Variants in COL14A1 observed in about 807,000 individuals in gnomAD.
The protein encoded by COL14A1 is collagen alpha-1(XIV) chain.
COL14A1 carries 136 observed loss-of-function variants against 230.3 expected under a neutral mutation model. The observed-to-expected ratio is 0.59, with a 90% CI of 0.51 to 0.68. The LOEUF (loss-of-function observed/expected upper bound fraction) is 0.68, where lower values mean the gene tolerates loss of function less well. Ranked by LOEUF, COL14A1 falls within the 30% of genes least tolerant of loss-of-function variation. The pLI, the probability that COL14A1 is intolerant of heterozygous loss-of-function variation, is 0.00. For synonymous variants in COL14A1, 792 were observed against 784.1 expected, an observed-to-expected ratio of 1.01 and a Z score of -0.17; for missense variants, 1,976 against 2,215.8, an observed-to-expected ratio of 0.89 and a Z score of 2.17.
chr8:120,175,503 T>C (rs950721671), intron 5 of COL14A1, among the ~76,000 whole-genome samples: 21 of 152,320 alleles, frequency 1.4e-4, no homozygotes, highest in African/African-American at 5.1e-4. Context: ...TGACTCTCAG[T>C]GTTCTCATTT....
chr8:120,136,398 A>ATG (rs888834896), intron 1 of COL14A1, among the ~76,000 whole-genome samples: 6 of 151,724 alleles, frequency 4.0e-5, no homozygotes, highest in Admixed American at 2.0e-4. Flanking sequence ...ATATATATAT[A>ATG]TAAAATCTCA....
intron 42 of COL14A1, among the ~76,000 whole-genome samples, chr8:120,337,597 A>G (rs376324558): frequency 5.9e-5 from 9 of 152,164 alleles, no homozygotes; most frequent in African/African-American, 2.2e-4. Flanking sequence ...GACTTGAACC[A>G]CAAGATCATT....
At chr8:120,363,487 G>C (rs1778112171) in intron 45 of COL14A1, among the ~76,000 whole-genome samples, 1 of 152,172 alleles carries the variant, frequency 6.6e-6, no homozygotes, top group South Asian at 2.1e-4. Flanking sequence ...TTAAAACCTA[G>C]GTGATGTGTT....
At chr8:120,276,029 C>T (rs765992145) in intron 26 of COL14A1, among the ~76,000 whole-genome samples, 2 of 151,752 alleles carry the variant, frequency 1.3e-5, no homozygotes, top group Non-Finnish European at 2.9e-5. Flanking sequence ...CACCAGTAAA[C>T]ATATGTTTAT....
intron 23 of COL14A1, among the ~76,000 whole-genome samples, chr8:120,260,413 A>C (rs115856452): frequency 0.016 from 2,367 of 152,256 alleles, 58 homozygotes; most frequent in African/African-American, 0.053. Context: ...TGAAAAAGCA[A>C]CTGGTATGCT....
intron 40 of COL14A1, among the ~76,000 whole-genome samples, chr8:120,326,184 A>T (rs1821663102): frequency 6.6e-6 from 1 of 152,176 alleles, no homozygotes; most frequent in South Asian, 2.1e-4. Flanking sequence ...GTGAATAGGG[A>T]GACTCATGCC....
chr8:120,193,203 G>A (rs1009274106), intron 5 of COL14A1, among the ~76,000 whole-genome samples: 10 of 152,258 alleles, frequency 6.6e-5, no homozygotes, highest in South Asian at 2.1e-4. Context: ...TTTGATGATG[G>A]TGATGTACGG....
intron 36 of COL14A1, among the ~76,000 whole-genome samples, chr8:120,301,999 TCTTCTTTTGAAAAGTGTCTGTTTATGTC>T (rs979936909): frequency 1.3e-5 from 2 of 152,334 alleles, no homozygotes; most frequent in East Asian, 1.9e-4. Context: ...CACTTGTATG[TCTTCTTTTGAAAAGTGTCTGTTTATGTC>T]CTTCTTTTGA....
At chr8:120,218,043 T>A (rs533778126) in intron 14 of COL14A1, among the ~76,000 whole-genome samples, 1 of 141,520 alleles carries the variant, frequency 7.1e-6, no homozygotes, top group African/African-American at 2.6e-5. Flanking sequence ...TAAATATATA[T>A]TATATATCTA....
At chr8:120,133,346 TA>T (rs1563627775) in intron 1 of COL14A1, among the ~76,000 whole-genome samples, 1 of 151,266 alleles carries the variant, frequency 6.6e-6, no homozygotes, top group Non-Finnish European at 1.5e-5. Context: ...CACAGCATAA[TA>T]AAAAAGAAAA....
chr8:120,263,676 G>A (rs1021557490), intron 24 of COL14A1, among the ~76,000 whole-genome samples: 2 of 152,116 alleles, frequency 1.3e-5, no homozygotes, highest in African/African-American at 4.8e-5. Context: ...GCTTAACTCA[G>A]TATGTTGAAT....
intron 5 of COL14A1, among the ~76,000 whole-genome samples, chr8:120,195,912 C>T (rs1817020833): frequency 6.6e-6 from 1 of 152,162 alleles, no homozygotes; most frequent in South Asian, 2.1e-4. Context: ...ATTCCTTTGT[C>T]TTGGCTCGGT....
In COL14A1 at chr8:120,341,361, G is replaced by T. The variant is rs1428867916; in HGVS notation, c.4821+1G>T. The T allele has an allele frequency of 6.2e-7, 1 of 1,614,092 alleles. No individual in the cohort carries two copies. The highest frequency in any genetic ancestry group is 8.5e-7 in the Non-Finnish European group (1 of 1,180,000). On this transcript the variant is annotated splice_donor_variant, in intron 43 of 47. Coordinates refer to ENST00000297848, the MANE Select transcript of COL14A1 (RefSeq NM_021110.4). LOFTEE classifies it high-confidence loss of function. ...AGCAAAGGGGGAACGAGGAGAGCGG[G>T]TAAGTATCCTGTGGCTCTGCTTTCT...
At chr8:120,332,824 G>T (rs1821918136) in intron 42 of COL14A1, 89 bp downstream of exon 42, 2 of 1,066,842 alleles carry the variant, frequency 1.9e-6, no homozygotes, top group Non-Finnish European at 1.4e-6. Context: ...CTGTTAGTCA[G>T]AAATGTTTAT....
At chr8:120,134,513 A>G (rs1021048590) in intron 1 of COL14A1, among the ~76,000 whole-genome samples, 1 of 152,164 alleles carries the variant, frequency 6.6e-6, no homozygotes, top group Non-Finnish European at 1.5e-5. Flanking sequence ...TAAGAATACT[A>G]AAAGAAAATA....
intron 1 of COL14A1, among the ~76,000 whole-genome samples, chr8:120,133,627 A>C (rs980860135): frequency 2.4e-4 from 36 of 152,206 alleles, no homozygotes; most frequent in African/African-American, 8.7e-4. Context: ...TTTACTAAAC[A>C]TGATACATTT....
intron 19 of COL14A1, among the ~76,000 whole-genome samples, chr8:120,232,376 G>A (rs1035265199): frequency 3.3e-5 from 5 of 151,892 alleles, no homozygotes; most frequent in South Asian, 2.1e-4. Context: ...CCATCAACCC[G>A]TCATCTACAT....
intron 7 of COL14A1, among the ~76,000 whole-genome samples, chr8:120,198,574 A>C (rs1817123624): frequency 6.6e-6 from 1 of 152,176 alleles, no homozygotes; most frequent in South Asian, 2.1e-4. Flanking sequence ...GATGCTAAAA[A>C]AATGCTCATT....
At chr8:120,356,544 G>T (rs1822991328) in intron 45 of COL14A1, among the ~76,000 whole-genome samples, 1 of 152,060 alleles carries the variant, frequency 6.6e-6, no homozygotes, top group Non-Finnish European at 1.5e-5. Context: ...GGTAAACAGG[G>T]TATATATTTC....
Sources: gnomAD v4.1 joint callset for allele counts (sites outside exome capture counted in the v4.1 genomes callset) on GRCh38, gnomAD v4.1.1 for gene constraint, MANE v1.5 for transcripts, NCBI Gene and HGNC (gene_info 2026-07-23, HGNC 2026-07-21) for gene names.